Variants in ADAMTS14 observed in about 807,000 individuals in gnomAD.
ADAMTS14 encodes ADAM metallopeptidase with thrombospondin type 1 motif 14.
ADAMTS14 carries 100 observed loss-of-function variants against 128.6 expected under a neutral mutation model. The ratio of observed to expected loss-of-function variants is 0.78; its 90% confidence interval spans 0.66 to 0.92. ADAMTS14 has a LOEUF of 0.92. ADAMTS14 is among the 40% of genes least tolerant of loss of function. ADAMTS14 has a pLI of 0.00. For synonymous variants in ADAMTS14, 665 were observed against 653.8 expected (o/e 1.02, Z -0.26); for missense variants, 1,562 against 1,658.6 (o/e 0.94, Z 1.01).
chr10:70,711,654 T>C (rs1219640019), intron 4 of ADAMTS14, among the ~76,000 whole-genome samples: 1 of 152,186 alleles, frequency 6.6e-6, no homozygotes, highest in Non-Finnish European at 1.5e-5. Context: ...TGTTTTTGCG[T>C]GTATAAGTTG....
Position 70,672,799 on chromosome 10 carries a change from C to A in ADAMTS14, c.-4C>A, listed in dbSNP as rs769315009. Reference sequence around the variant, plus strand: ...TTGCCCAGCCCGCGTCCCAGCGCGGCCACATGGCTCCACTCCGCGCGCTGC... The same window carrying A: ...TTGCCCAGCCCGCGTCCCAGCGCGGACACATGGCTCCACTCCGCGCGCTGC... On this transcript the variant is annotated 5_prime_UTR_variant, in exon 1 of 22. Transcript: ENST00000373207. The A allele has an allele frequency of 2.0e-6, 3 of 1,503,138 alleles. No homozygotes were observed. In the Admixed American group the frequency reaches 6.5e-5, roughly 33 times the overall value. 93.1% of individuals were successfully genotyped at this position (1,503,138 alleles called of 1,614,324 possible).
rs1319738547 is a variant in ADAMTS14, at chr10:70,752,079, C to T, written c.2597-16C>T. 1.2e-6 allele frequency: 2 copies of T among 1,605,392 alleles called. No homozygotes were observed. Among genetic ancestry groups the T allele is most frequent in the East Asian group, 2.2e-5 (1 of 44,828 alleles). On this transcript the variant is annotated splice_polypyrimidine_tract_variant and intron_variant, in intron 17 of 21. Coordinates refer to ENST00000373207, the MANE Select transcript of ADAMTS14 (RefSeq NM_080722.4). ...CCTGGCTGGACTAGGCCCACGGCAG[C>T]CTGCCCACCCCATAGGGATCCAGTT... is the stretch of plus-strand genomic sequence containing the variant.
intron 4 of ADAMTS14, among the ~76,000 whole-genome samples, chr10:70,721,503 A>T (rs1295649536): frequency 6.6e-6 from 1 of 151,596 alleles, no homozygotes. Context: ...CTCCTGCCTC[A>T]GCCTCCCGAG....
At chr10:70,732,456 T>A (rs2587478) in intron 7 of ADAMTS14, 97 bp downstream of exon 7, 1 of 1,132,920 alleles carries the variant, frequency 8.8e-7, no homozygotes, top group Non-Finnish European at 1.3e-6. Flanking sequence ...TTGGCCTGGT[T>A]CCAGTGTCCT....
At chr10:70,714,062 G>A (rs1840942044) in intron 4 of ADAMTS14, among the ~76,000 whole-genome samples, 1 of 152,132 alleles carries the variant, frequency 6.6e-6, no homozygotes, top group South Asian at 2.1e-4. Context: ...GCAAGGTGGT[G>A]CACACCTGTA....
intron 2 of ADAMTS14, among the ~76,000 whole-genome samples, chr10:70,677,189 A>G (rs1377186724): frequency 6.6e-6 from 1 of 152,194 alleles, no homozygotes; most frequent in Admixed American, 6.5e-5. Flanking sequence ...GCACGATCAC[A>G]TGGCTACGTG....
At chr10:70,716,190 G>A (rs1049571576) in intron 4 of ADAMTS14, among the ~76,000 whole-genome samples, 1 of 152,216 alleles carries the variant, frequency 6.6e-6, no homozygotes, top group African/African-American at 2.4e-5. Flanking sequence ...AGAGAGGAGA[G>A]TAATGATCTT....
At chr10:70,735,396 G>C in intron 9 of ADAMTS14, 95 bp downstream of exon 9, 1 of 1,492,620 alleles carries the variant, frequency 6.7e-7, no homozygotes, top group South Asian at 1.3e-5. Flanking sequence ...CTTCTGCCCA[G>C]CTGGCCAGTG....
At chr10:70,692,966 C>T (rs1470685313) in intron 2 of ADAMTS14, among the ~76,000 whole-genome samples, 1 of 152,132 alleles carries the variant, frequency 6.6e-6, no homozygotes, top group Non-Finnish European at 1.5e-5. Flanking sequence ...TTAGTTGGCT[C>T]ATGATTCTGC....
At chr10:70,735,686 C>G (rs1841805050) in intron 9 of ADAMTS14, among the ~76,000 whole-genome samples, 1 of 152,250 alleles carries the variant, frequency 6.6e-6, no homozygotes, top group Non-Finnish European at 1.5e-5. Context: ...CCACCTTCTG[C>G]ACCTGCACAT....
At chr10:70,743,500 C>T in intron 12 of ADAMTS14, 48 bp from the exon 13 acceptor site, 1 of 1,594,202 alleles carries the variant, frequency 6.3e-7, no homozygotes, top group Non-Finnish European at 8.5e-7. Flanking sequence ...TCCTGGGCCA[C>T]TTTCTCTGAG....
At chr10:70,746,581 G>A (rs879722685) in intron 15 of ADAMTS14, among the ~76,000 whole-genome samples, 1 of 152,352 alleles carries the variant, frequency 6.6e-6, no homozygotes, top group South Asian at 2.1e-4. Flanking sequence ...GCCAAGGTGG[G>A]TGGATCGCTT....
intron 2 of ADAMTS14, among the ~76,000 whole-genome samples, chr10:70,690,716 C>A (rs535693614): frequency 6.9e-6 from 1 of 145,394 alleles, no homozygotes; most frequent in East Asian, 1.9e-4. Flanking sequence ...CTGTTCTCCA[C>A]TGCCAAGGGT....
chr10:70,678,125 C>T (rs1839699606), intron 2 of ADAMTS14, among the ~76,000 whole-genome samples: 1 of 152,212 alleles, frequency 6.6e-6, no homozygotes, highest in African/African-American at 2.4e-5. Context: ...TTATTAACTC[C>T]ATCCATTTGC....
rs1841913889 is a variant in ADAMTS14, at chr10:70,738,974, A to C, written c.1732A>C (p.Ser578Arg). ...GGGCGGGGTGCGATCCCGCAGCCGG[A>C]GCTGCAACAACCCCTCGTGAGTGTG... ...CGGGVRSRSR[S>R]CNNPSPAYGG... is the part of the protein sequence containing the mutation. Residue 578 changes from serine to arginine, a missense_variant, in exon 11 of 22, where the codon AGC becomes CGC. By Grantham distance (110) the Ser-to-Arg change is moderately radical (BLOSUM62 -1). Coordinates refer to ENST00000373207, the MANE Select transcript of ADAMTS14 (RefSeq NM_080722.4). 6.2e-7 allele frequency: 1 copy of C among 1,609,996 alleles called. No individual in the cohort carries two copies. The highest frequency in any genetic ancestry group is 8.5e-7 in the Non-Finnish European group (1 of 1,177,898).
chr10:70,708,434 G>A (rs1437898166), intron 3 of ADAMTS14, among the ~76,000 whole-genome samples, 154 bp from the exon 4 acceptor site: 1 of 152,214 alleles, frequency 6.6e-6, no homozygotes, highest in African/African-American at 2.4e-5. Context: ...TTGCCCATGA[G>A]TTGACCTAGT....
chr10:70,697,361 C>CAA (rs1840359857), intron 2 of ADAMTS14, among the ~76,000 whole-genome samples: 1 of 152,180 alleles, frequency 6.6e-6, no homozygotes, highest in Admixed American at 6.5e-5. Flanking sequence ...TCCTGAGAGC[C>CAA]AAGCCACTTG....
chr10:70,714,321 G>C (rs996416858), intron 4 of ADAMTS14, among the ~76,000 whole-genome samples: 1 of 152,222 alleles, frequency 6.6e-6, no homozygotes, highest in African/African-American at 2.4e-5. Context: ...TGAGAGGTCT[G>C]AGTAGCCTCA....
At chr10:70,683,414 G>C (rs888016408) in intron 2 of ADAMTS14, among the ~76,000 whole-genome samples, 1 of 152,182 alleles carries the variant, frequency 6.6e-6, no homozygotes, top group Non-Finnish European at 1.5e-5. Flanking sequence ...CTCCTGACCC[G>C]CCTGCCAGGG....
Sources: gnomAD v4.1 joint callset for allele counts (sites outside exome capture counted in the v4.1 genomes callset) on GRCh38, gnomAD v4.1.1 for gene constraint, MANE v1.5 for transcripts, NCBI Gene and HGNC (gene_info 2026-07-23, HGNC 2026-07-21) for gene names.